The following ATP13A2 variants were observed in gnomAD, a reference collection of about 807,000 sequenced individuals.
ATP13A2 encodes ATPase cation transporting 13A2, also known as polyamine-transporting ATPase 13A2.
Under a neutral mutation model 138.3 loss-of-function variants are expected in ATP13A2, and 83 were observed. The observed-to-expected ratio is 0.60, with a 90% CI of 0.50 to 0.72. The LOEUF (loss-of-function observed/expected upper bound fraction) is 0.72, where lower values mean the gene tolerates loss of function less well. ATP13A2 is among the 30% of genes least tolerant of loss of function. ATP13A2 has a pLI of 0.00. For synonymous variants in ATP13A2, 663 were observed against 699.0 expected, an observed-to-expected ratio of 0.95 and a Z score of 0.81; for missense variants, 1,402 against 1,606.4, an observed-to-expected ratio of 0.87 and a Z score of 2.17.
rs764444063 is a variant in ATP13A2, at chr1:16,990,163, C to A, written c.2376G>T (p.Leu792=). The A allele has an allele frequency of 6.8e-6, 11 of 1,613,988 alleles. No homozygotes were observed. The highest frequency in any genetic ancestry group is 9.3e-6 in the Non-Finnish European group (11 of 1,180,038). ...ERGQPASLEF[L]PMESPTAVNG... ...TCACGGCTGTGGGGGACTCCATCGG[C>A]AGGAACTCGAGAGAGGCAGGCTGAC... is the stretch of plus-strand genomic sequence containing the variant. Residue 792 remains leucine (L), a synonymous_variant, in exon 21 of 29, where the codon CTG becomes CTT. Coordinates refer to ENST00000326735, the MANE Select transcript of ATP13A2 (RefSeq NM_022089.4).
In ATP13A2 at chr1:16,990,052, G is replaced by A. The variant is rs376087842; in HGVS notation, c.2413-49C>T. On this transcript the variant is annotated intron_variant, in intron 21 of 28. Coordinates refer to ENST00000326735, the MANE Select transcript of ATP13A2 (RefSeq NM_022089.4). ...TAGCTCCCCCTGCCCACCCTGGAGA[G>A]TTGGGGCCTGGGTCAGGTGACACAG... The A allele has an allele frequency of 1.7e-5, 28 of 1,613,240 alleles. No individual in the cohort carries two copies. In the African/African-American group the frequency reaches 3.5e-4, roughly 20 times the overall value.
rs55689004 is a variant in ATP13A2 at position 16,997,010 on chromosome 1, C to T, written c.1195+10G>A. On this transcript the variant is annotated intron_variant, in intron 12 of 28. Coordinates refer to ENST00000326735, the MANE Select transcript of ATP13A2 (RefSeq NM_022089.4). ...GGGATCTCTCTCAAGCCCAGCCTCC[C>T]GGCTCATACCTGTGCGGGTCACCAC... 5.4e-3 allele frequency: 8,661 copies of T among 1,610,702 alleles called. 52 individuals are homozygous for T. Among genetic ancestry groups the T allele is most frequent in the Middle Eastern group, 0.01 (47 of 4,612 alleles).
At position 17,004,297 on chromosome 1, in the gene ATP13A2, G is replaced by T; in HGVS notation, c.557+35C>A. On this transcript the variant is annotated intron_variant, in intron 6 of 28. Coordinates refer to ENST00000326735, the MANE Select transcript of ATP13A2 (RefSeq NM_022089.4). This position sits in a 1 kb window ranked among gnomAD's most constrained non-coding sequence, Gnocchi z 4.1. ...TGTGCCCAAACCAGTGCCACTCTGG[G>T]AGGTGACATGAGCCACACAGGCCCT... 1 of 1,604,200 alleles carries T rather than the reference G, an allele frequency of 6.2e-7. No individual in the cohort carries two copies. Among genetic ancestry groups the T allele is most frequent in the South Asian group, 1.1e-5 (1 of 89,878 alleles).
Position 16,995,495 on chromosome 1 carries a change from C to A in ATP13A2, c.1542+481G>T. On this transcript the variant is annotated intron_variant, in intron 15 of 28. Coordinates refer to ENST00000326735, the MANE Select transcript of ATP13A2 (RefSeq NM_022089.4). The surrounding 1 kb of genome is among the most constrained non-coding windows in gnomAD (Gnocchi z 4.1). ...AATTTTTTTTTTTTTTTGAGTTTTG[C>A]TCTGTCACCCAGGCTGGAGTACAAT... The A allele has an allele frequency of 9.2e-6, 2 of 216,798 alleles. No homozygotes were observed. Among genetic ancestry groups the A allele is most frequent in the Non-Finnish European group, 1.9e-5 (2 of 106,880 alleles). The allele number at this position is 216,798 out of a possible 1,614,324, so 13.4% of individuals were successfully genotyped here. A position where few individuals can be genotyped will look rare whatever the true frequency, so the allele number is the denominator to read the frequency against.
In ATP13A2 at chr1:16,986,669, C is replaced by T. The variant is rs753107684; in HGVS notation, c.3236-37G>A. On this transcript the variant is annotated intron_variant, in intron 27 of 28. Coordinates refer to ENST00000326735, the MANE Select transcript of ATP13A2 (RefSeq NM_022089.4). This position sits in a 1 kb window ranked among gnomAD's most constrained non-coding sequence, Gnocchi z 6.9. The stretch of plus-strand genomic sequence containing the variant: ...AGAGTCTCTCAGGCAGGAGCCACGC[C>T]CCCCCGGCACCCACAGACACACGTG... 6.3e-7 allele frequency: 1 copy of T among 1,579,268 alleles called. No individual in the cohort carries two copies. Among genetic ancestry groups the T allele is most frequent in the African/African-American group, 1.3e-5 (1 of 74,252 alleles).
At position 16,996,076 on chromosome 1, in the gene ATP13A2, G is replaced by A. The variant is rs752000462; in HGVS notation, c.1442C>T (p.Thr481Met). Residue 481 changes from threonine to methionine, a missense_variant, in exon 15 of 29, where the codon ACG becomes ATG. Thr to Met is a moderately conservative substitution (Grantham distance 81). Transcript: ENST00000326735. Reference sequence around the variant, plus strand: ...CCGCAGTCGGCTCTGGGCGTAGAGCGTGCACACAGTCATGGCAGCAGGCAG... The same window carrying A: ...CCGCAGTCGGCTCTGGGCGTAGAGCATGCACACAGTCATGGCAGCAGGCAG... ...PALPAAMTVC[T>M]LYAQSRLRRQ... 2.4e-5 allele frequency: 38 copies of A among 1,614,106 alleles called. No homozygotes were observed. Among genetic ancestry groups the A allele is most frequent in the East Asian group, 1.1e-4 (5 of 44,888 alleles).
chr1:17,011,772 C>T lies in ATP13A2; in HGVS notation c.-34G>A, dbSNP rs1248238643. ...CTCGCGCTCATCGCCGGCCCCGGCG[C>T]TGCGGCCCTCGGCCTGGGCCCCGGC... On this transcript the variant is annotated 5_prime_UTR_variant, in exon 1 of 29. Coordinates refer to ENST00000326735, the MANE Select transcript of ATP13A2 (RefSeq NM_022089.4). The surrounding 1 kb of genome is among the most constrained non-coding windows in gnomAD (Gnocchi z 7.3). The T allele has an allele frequency of 2.8e-6, 4 of 1,425,294 alleles. No individual in the cohort carries two copies. The highest frequency in any genetic ancestry group is 2.5e-4 in the Middle Eastern group (1 of 4,044). 88.3% of individuals were successfully genotyped at this position (1,425,294 alleles called of 1,614,324 possible). A position where few individuals can be genotyped will look rare whatever the true frequency, so the allele number is the denominator to read the frequency against.
intron 11 of ATP13A2, among the ~76,000 whole-genome samples, chr1:16,998,283 C>T (rs2077217963): frequency 6.6e-6 from 1 of 152,126 alleles, no homozygotes; most frequent in Non-Finnish European, 1.5e-5. Context: ...CGGCTCACTG[C>T]AACCTCCACC....
rs1231411777 is a variant in ATP13A2 at position 17,011,761 on chromosome 1, C to A, written c.-23G>T. 1 of 1,442,908 alleles carries A rather than the reference C, an allele frequency of 6.9e-7. No homozygotes were observed. The highest frequency in any genetic ancestry group is 2.5e-5 in the Admixed American group (1 of 39,994). The allele number at this position is 1,442,908 out of a possible 1,614,324, so 89.4% of individuals were successfully genotyped here. A position where few individuals can be genotyped will look rare whatever the true frequency, so the allele number is the denominator to read the frequency against. On this transcript the variant is annotated 5_prime_UTR_variant, in exon 1 of 29. Coordinates refer to ENST00000326735, the MANE Select transcript of ATP13A2 (RefSeq NM_022089.4). The surrounding 1 kb of genome is among the most constrained non-coding windows in gnomAD (Gnocchi z 7.3). ...CATGCCGGCTCCTCGCGCTCATCGC[C>A]GGCCCCGGCGCTGCGGCCCTCGGCC...
At position 16,986,788 on chromosome 1, in the gene ATP13A2, C is replaced by G; in HGVS notation, c.3235+17G>C. ...CCTCCCTCCGCCAGCATCTCCCGCC[C>G]GCGCCCGCAGTGGCACCATTGGTGT... is the stretch of plus-strand genomic sequence containing the variant. On this transcript the variant is annotated intron_variant, in intron 27 of 28. Coordinates refer to ENST00000326735, the MANE Select transcript of ATP13A2 (RefSeq NM_022089.4). This position sits in a 1 kb window ranked among gnomAD's most constrained non-coding sequence, Gnocchi z 6.9. 2 of 1,609,802 alleles carry G rather than the reference C, an allele frequency of 1.2e-6. No homozygotes were observed. Among genetic ancestry groups the G allele is most frequent in the South Asian group, 2.2e-5 (2 of 90,670 alleles).
At chr1:17,008,098 G>C (rs1328249596) in intron 1 of ATP13A2, among the ~76,000 whole-genome samples, 1 of 152,170 alleles carries the variant, frequency 6.6e-6, no homozygotes, top group Non-Finnish European at 1.5e-5. Flanking sequence ...GCTTCCCAAA[G>C]TGCTGGGATT....
rs1284454996 is a variant in ATP13A2, at chr1:17,011,770, C to T, written c.-32G>A. 7.0e-7 allele frequency: 1 copy of T among 1,428,434 alleles called. No homozygotes were observed. The highest frequency in any genetic ancestry group is 3.2e-5 in the East Asian group (1 of 31,614). The allele number at this position is 1,428,434 out of a possible 1,614,324, so 88.5% of individuals were successfully genotyped here. ...TCCTCGCGCTCATCGCCGGCCCCGG[C>T]GCTGCGGCCCTCGGCCTGGGCCCCG... On this transcript the variant is annotated 5_prime_UTR_variant, in exon 1 of 29. Coordinates refer to ENST00000326735, the MANE Select transcript of ATP13A2 (RefSeq NM_022089.4). The surrounding 1 kb of genome is among the most constrained non-coding windows in gnomAD (Gnocchi z 7.3).
intron 11 of ATP13A2, among the ~76,000 whole-genome samples, chr1:16,997,485 C>T (rs1270425624): frequency 7.1e-6 from 1 of 141,684 alleles, no homozygotes; most frequent in African/African-American, 2.7e-5. Flanking sequence ...GGGAGTCGTT[C>T]TCTTTCTGCT....
chr1:16,995,921 C>A lies in ATP13A2; in HGVS notation c.1542+55G>T, dbSNP rs2077102556. The stretch of plus-strand genomic sequence containing the variant: ...GAATAACGCGGGTGTGGAGGCCTCA[C>A]TGGGGCGCCTGTGGCTGTCCCGCTC... On this transcript the variant is annotated intron_variant, in intron 15 of 28. Transcript: ENST00000326735. This position sits in a 1 kb window ranked among gnomAD's most constrained non-coding sequence, Gnocchi z 4.1. 1 of 1,608,364 alleles carries A rather than the reference C, an allele frequency of 6.2e-7. No homozygotes were observed. Among genetic ancestry groups the A allele is most frequent in the Non-Finnish European group, 8.5e-7 (1 of 1,177,030 alleles).
Position 16,990,149 on chromosome 1 carries a change from G to A in ATP13A2, c.2390C>T (p.Pro797Leu). ...CACCTTAACGCCATTCACGGCTGTG[G>A]GGGACTCCATCGGCAGGAACTCGAG... is the stretch of plus-strand genomic sequence containing the variant. ...ASLEFLPMESPTAVNGVKDPD... is the reference protein window; with the variant it reads ...ASLEFLPMESLTAVNGVKDPD... The change falls in exon 21 of 29, where the codon CCC becomes CTC. Residue 797 changes from proline (P) to leucine (L), a missense_variant. Transcript: ENST00000326735. 1 of 1,614,164 alleles carries A rather than the reference G, an allele frequency of 6.2e-7. No homozygotes were observed. The highest frequency in any genetic ancestry group is 8.5e-7 in the Non-Finnish European group (1 of 1,180,018).
At chr1:16,996,879 A>C in intron 12 of ATP13A2, 141 bp downstream of exon 12, 1 of 1,080,372 alleles carries the variant, frequency 9.3e-7, no homozygotes, top group Non-Finnish European at 1.4e-6. Context: ...GATGGGGGGC[A>C]ACTGGCCCGA....
At chr1:17,001,818 C>A (rs2077368803) in intron 8 of ATP13A2, among the ~76,000 whole-genome samples, 1 of 152,200 alleles carries the variant, frequency 6.6e-6, no homozygotes, top group Admixed American at 6.5e-5. Flanking sequence ...AGTGGGGCCC[C>A]AATCTGTGAC....
chr1:16,992,229 G>C lies in ATP13A2; in HGVS notation c.2005+14C>G. The C allele has an allele frequency of 6.2e-7, 1 of 1,612,270 alleles. No homozygotes were observed. ...AATGCCCAACCAGGGGGACTCAGGGGCTTCCCCCTGCACCTGTCTCGGGGT... is the reference window on the plus strand; with the variant it reads ...AATGCCCAACCAGGGGGACTCAGGGCCTTCCCCCTGCACCTGTCTCGGGGT... On this transcript the variant is annotated intron_variant, in intron 18 of 28. Transcript: ENST00000326735.
chr1:16,990,008 G>A lies in ATP13A2; in HGVS notation c.2413-5C>T. 6.2e-7 allele frequency: 1 copy of A among 1,612,582 alleles called. No homozygotes were observed. ...GCTTGCAGCCTGGTCAGGATCCTGG[G>A]GGCCCAGGAAGCTCAGCTTAGCTCC... On this transcript the variant is annotated splice_region_variant and splice_polypyrimidine_tract_variant and intron_variant, in intron 21 of 28. Coordinates refer to ENST00000326735, the MANE Select transcript of ATP13A2 (RefSeq NM_022089.4).
Sources: allele counts gnomAD v4.1 joint callset (sites outside exome capture counted in the v4.1 genomes callset), GRCh38; gene constraint gnomAD v4.1.1; non-coding constraint Gnocchi (gnomAD v3.1); transcripts MANE v1.5; gene names NCBI Gene and HGNC (gene_info 2026-07-23, HGNC 2026-07-21).